RERE: variants seen among roughly 807,000 people sequenced by gnomAD.
The protein encoded by RERE is arginine-glutamic acid dipeptide repeats, also known as arginine-glutamic acid dipeptide repeats protein.
Under a neutral mutation model 146.1 loss-of-function variants are expected in RERE, and 40 were observed. The observed-to-expected ratio is 0.27, with a 90% CI of 0.21 to 0.36. The LOEUF (loss-of-function observed/expected upper bound fraction) is 0.36, where lower values mean the gene tolerates loss of function less well. Ranked by LOEUF, RERE falls within the 10% of genes least tolerant of loss-of-function variation. The pLI is 1.00. For missense variants in RERE, 1,933 were observed against 2,138.7 expected, an observed-to-expected ratio of 0.90 and a Z score of 1.90; for synonymous variants, 1,003 against 866.0, an observed-to-expected ratio of 1.16 and a Z score of -2.78.
intron 1 of RERE, among the ~76,000 whole-genome samples, chr1:8,697,862 T>C (rs1232839591): frequency 2.6e-5 from 4 of 152,180 alleles, no homozygotes; most frequent in African/African-American, 7.2e-5. Context: ...TATTAAATCT[T>C]TGGAATAGAA....
chr1:8,776,347 G>C (rs936250588), intron 1 of RERE, among the ~76,000 whole-genome samples: 3 of 152,182 alleles, frequency 2.0e-5, no homozygotes, highest in African/African-American at 7.2e-5. Context: ...GCCCAGGCTG[G>C]AGTATGGTGG....
intron 21 of RERE, 72 bp from the exon 22 acceptor site, chr1:8,355,671 C>T (rs1258706930): frequency 3.8e-6 from 5 of 1,330,290 alleles, no homozygotes; most frequent in East Asian, 5.0e-5. Flanking sequence ...GGCACAGGCA[C>T]AGCAAACGGC....
At chr1:8,705,689 T>C (rs1639543428) in intron 1 of RERE, among the ~76,000 whole-genome samples, 2 of 152,190 alleles carry the variant, frequency 1.3e-5, no homozygotes, top group African/African-American at 4.8e-5. Context: ...TAGATTTATG[T>C]CAGGTACACA....
chr1:8,545,327 G>A (rs1327192385), intron 6 of RERE, among the ~76,000 whole-genome samples: 1 of 152,172 alleles, frequency 6.6e-6, no homozygotes, highest in Admixed American at 6.5e-5. Context: ...TTCCGAGTGG[G>A]GCGGGCCCCA....
chr1:8,756,116 G>A (rs12144099), intron 1 of RERE, among the ~76,000 whole-genome samples: 33,190 of 151,952 alleles, frequency 0.22, 3,856 homozygotes, highest in Middle Eastern at 0.27. Context: ...GCAACATAGC[G>A]AGACCCCATC....
chr1:8,434,612 TG>T (rs1395389660), intron 11 of RERE: 3 of 152,212 alleles, frequency 2.0e-5, no homozygotes, highest in African/African-American at 4.8e-5. Flanking sequence ...GGTAGACCTT[TG>T]TAACTGTCTT....
chr1:8,711,392 G>C (rs1639666159), intron 1 of RERE, among the ~76,000 whole-genome samples: 1 of 152,144 alleles, frequency 6.6e-6, no homozygotes, highest in Admixed American at 6.5e-5. Flanking sequence ...CCGTCTCATG[G>C]ATGTAGCCCT....
intron 4 of RERE, among the ~76,000 whole-genome samples, chr1:8,592,308 C>A (rs749395999): frequency 2.1e-4 from 32 of 152,040 alleles, no homozygotes; most frequent in Admixed American, 1.1e-3. Flanking sequence ...GTCTGTCACC[C>A]AGGCTGGATG....
chr1:8,441,465 C>A (rs1405179066), intron 11 of RERE, among the ~76,000 whole-genome samples: 1 of 152,152 alleles, frequency 6.6e-6, no homozygotes, highest in Non-Finnish European at 1.5e-5. Flanking sequence ...GGGCACTGAA[C>A]AAGGGGACAA....
chr1:8,655,041 T>C (rs1638238293), intron 2 of RERE, among the ~76,000 whole-genome samples: 2 of 151,998 alleles, frequency 1.3e-5, no homozygotes, highest in African/African-American at 4.8e-5. Context: ...TGAGTCTGTC[T>C]TTTTTTGAGC....
intron 6 of RERE, among the ~76,000 whole-genome samples, chr1:8,555,476 C>CA (rs769957546): frequency 3.3e-5 from 5 of 151,858 alleles, no homozygotes; most frequent in African/African-American, 7.3e-5. Context: ...TGTAGCTTTG[C>CA]AAAAAAGACT....
chr1:8,786,725 C>T, intron 1 of RERE: 1 of 786,602 alleles, frequency 1.3e-6, no homozygotes. Context: ...GCCATCCTTG[C>T]CATTCGAATT....
At chr1:8,506,941 T>C (rs1468439729) in intron 8 of RERE, among the ~76,000 whole-genome samples, 1 of 152,170 alleles carries the variant, frequency 6.6e-6, no homozygotes, top group Non-Finnish European at 1.5e-5. Flanking sequence ...TATCTTAGAA[T>C]TAGTCAAACT....
At chr1:8,631,979 A>G (rs1647041177) in intron 2 of RERE, among the ~76,000 whole-genome samples, 1 of 152,178 alleles carries the variant, frequency 6.6e-6, no homozygotes, top group South Asian at 2.1e-4. Context: ...AATTTCCTAA[A>G]GCTTAAAAAT....
At chr1:8,651,553 T>C (rs1647632567) in intron 2 of RERE, among the ~76,000 whole-genome samples, 1 of 151,976 alleles carries the variant, frequency 6.6e-6, no homozygotes, top group African/African-American at 2.4e-5. Context: ...GATGTTATTG[T>C]AGTAGTTTAT....
At position 8,671,829 on chromosome 1, in the gene RERE, T is replaced by A. The variant is rs140379290; in HGVS notation, c.-144-15388A>T. On this transcript the variant is annotated intron_variant, in intron 1 of 22. Transcript: ENST00000400908. ...CAATTTGAATCCGAAATAATTCAAA[T>A]AGAGCAACATTTATATGTCTCAGGA... Among the ~76,000 whole-genome samples the A allele has an allele frequency of 2.7e-4, 41 of 152,302 alleles. 1 individual carries two copies. In the East Asian group the frequency reaches 6.6e-3, roughly 24 times the overall value.
chr1:8,677,778 C>G (rs984284087), intron 1 of RERE, among the ~76,000 whole-genome samples: 5 of 152,088 alleles, frequency 3.3e-5, no homozygotes, highest in Admixed American at 3.3e-4. Flanking sequence ...GAGGAATAAG[C>G]AAAATAATCC....
intron 1 of RERE, among the ~76,000 whole-genome samples, chr1:8,691,505 A>G (rs1469227041): frequency 6.6e-6 from 1 of 152,192 alleles, no homozygotes; most frequent in Non-Finnish European, 1.5e-5. Flanking sequence ...AAGCCTTCCT[A>G]GTCATTCAAA....
chr1:8,586,705 C>T (rs1431655509), intron 4 of RERE, among the ~76,000 whole-genome samples: 6 of 152,160 alleles, frequency 3.9e-5, no homozygotes, highest in Non-Finnish European at 8.8e-5. Context: ...TGGATTTTAA[C>T]CAATGCTCAC....
Sources: allele counts gnomAD v4.1 joint callset (sites outside exome capture counted in the v4.1 genomes callset), GRCh38; gene constraint gnomAD v4.1.1; transcripts MANE v1.5; gene names NCBI Gene and HGNC (gene_info 2026-07-23, HGNC 2026-07-21).